The following FKBP5 variants were observed in gnomAD, a reference collection of about 807,000 sequenced individuals.
FKBP5 encodes peptidyl-prolyl cis-trans isomerase FKBP5.
In FKBP5, 23 loss-of-function variants were observed where a neutral mutation model predicts 50.5. That is an observed-to-expected ratio of 0.46 (90% CI 0.33 to 0.65). FKBP5 has a LOEUF of 0.65. Ranked by LOEUF, FKBP5 falls within the 30% of genes least tolerant of loss-of-function variation. The pLI is 0.02. For synonymous variants in FKBP5, 176 were observed against 190.6 expected (o/e 0.92, Z 0.63); for missense variants, 411 against 553.1 (o/e 0.74, Z 2.58).
At chr6:35,624,889 C>T (rs1581828278) in intron 3 of FKBP5, among the ~76,000 whole-genome samples, 1 of 152,112 alleles carries the variant, frequency 6.6e-6, no homozygotes, top group East Asian at 1.9e-4. Context: ...TCTGTGGCTG[C>T]AGGGCACTGA....
intron 8 of FKBP5, chr6:35,584,078 CT>C: frequency 1.0e-6 from 1 of 985,460 alleles, no homozygotes; most frequent in Non-Finnish European, 1.2e-6. Context: ...AAGAAAAACA[CT>C]GACCAGGTGT....
chr6:35,582,002 TG>T, intron 8 of FKBP5: 1 of 985,368 alleles, frequency 1.0e-6, no homozygotes. Flanking sequence ...GGACTTCAAG[TG>T]GGTGATGTAA....
At chr6:35,642,162 A>G (rs1179498767) in intron 2 of FKBP5, among the ~76,000 whole-genome samples, 1 of 152,158 alleles carries the variant, frequency 6.6e-6, no homozygotes, top group Non-Finnish European at 1.5e-5. Flanking sequence ...TACTCTGAGA[A>G]TAGGGAAATA....
upstream of FKBP5, among the ~76,000 whole-genome samples, chr6:35,689,744 G>A (rs186874422): frequency 3.8e-3 from 576 of 152,260 alleles, 5 homozygotes; most frequent in Non-Finnish European, 4.2e-3. Flanking sequence ...GGCTGAGGTA[G>A]GAGAATCGCT....
At chr6:35,624,304 C>G (rs953519905) in intron 3 of FKBP5, among the ~76,000 whole-genome samples, 1 of 152,100 alleles carries the variant, frequency 6.6e-6, no homozygotes, top group Non-Finnish European at 1.5e-5. Flanking sequence ...CAAGGTCACT[C>G]TGAGACTGTG....
At chr6:35,589,110 TTATATATATATATATATA>T (rs1169766848) in intron 7 of FKBP5, among the ~76,000 whole-genome samples, 7 of 103,006 alleles carry the variant, frequency 6.8e-5, no homozygotes, top group African/African-American at 3.0e-4. Context: ...ATATATATTT[TTATATATATATATATATA>T]TTTTTTTTTT....
intron 5 of FKBP5, among the ~76,000 whole-genome samples, chr6:35,607,169 C>G (rs544083183): frequency 6.6e-6 from 1 of 152,252 alleles, no homozygotes; most frequent in African/African-American, 2.4e-5. Flanking sequence ...AACTCCTGAC[C>G]TCAAATGATC....
Position 35,650,482 on chromosome 6 carries a change from T to A in FKBP5, c.-19-7639A>T, listed in dbSNP as rs565788967. ...CAGTGTAATTTATTTTTTATTTTTT[T>A]AAATTTTTTGAGACAGACTCTTGCT... On this transcript the variant is annotated intron_variant, in intron 1 of 10. Coordinates refer to ENST00000357266, the MANE Select transcript of FKBP5 (RefSeq NM_004117.4). Among the ~76,000 whole-genome samples, 24 of 152,116 alleles carry A rather than the reference T, an allele frequency of 1.6e-4. No homozygotes were observed. The South Asian group carries it at 2.7e-3, about 17-fold the overall frequency.
At chr6:35,624,044 A>G (rs912183244) in intron 3 of FKBP5, among the ~76,000 whole-genome samples, 1 of 152,070 alleles carries the variant, frequency 6.6e-6, no homozygotes, top group Non-Finnish European at 1.5e-5. Flanking sequence ...TATGTTGCTC[A>G]GGCTGGACTC....
intron 8 of FKBP5, chr6:35,585,863 C>G (rs1762582845): frequency 1.0e-6 from 1 of 985,240 alleles, no homozygotes; most frequent in South Asian, 4.7e-5. Flanking sequence ...TGCCCTCTGG[C>G]TGTGTTAATT....
intron 5 of FKBP5, among the ~76,000 whole-genome samples, chr6:35,607,143 G>T (rs1335996360): frequency 1.3e-5 from 2 of 152,030 alleles, no homozygotes; most frequent in African/African-American, 4.8e-5. Context: ...TCACCATGTT[G>T]GCCAGGCTGG....
intron 1 of FKBP5, among the ~76,000 whole-genome samples, chr6:35,644,911 A>G (rs986119490): frequency 1.3e-5 from 2 of 152,232 alleles, no homozygotes; most frequent in East Asian, 3.8e-4. Flanking sequence ...ACATCCATCA[A>G]TAGATCTCTG....
intron 2 of FKBP5, among the ~76,000 whole-genome samples, chr6:35,710,875 C>G (rs143576408): frequency 1.1e-3 from 165 of 152,202 alleles, no homozygotes; most frequent in African/African-American, 3.8e-3. Flanking sequence ...TTAAGTTGAG[C>G]AAAAGAAGCC....
At chr6:35,688,759 G>A (rs1220893034) in intron 1 of FKBP5, 45 bp downstream of exon 1, 1 of 150,650 alleles carries the variant, frequency 6.6e-6, no homozygotes, top group East Asian at 1.9e-4. Flanking sequence ...GGCTCCCGGG[G>A]CGCCGCGGCC....
At chr6:35,595,568 T>C (rs1397613383) in intron 6 of FKBP5, among the ~76,000 whole-genome samples, 1 of 151,948 alleles carries the variant, frequency 6.6e-6, no homozygotes, top group Middle Eastern at 3.2e-3. Context: ...CTGGGCAACA[T>C]GGCAAAACCC....
At chr6:35,612,987 TGTCTA>T (rs1323871806) in intron 5 of FKBP5, among the ~76,000 whole-genome samples, 14 of 152,348 alleles carry the variant, frequency 9.2e-5, no homozygotes, top group Admixed American at 7.8e-4. Flanking sequence ...TTAAGTAACT[TGTCTA>T]AAGTCATAAA....
At chr6:35,627,005 T>C (rs1207271164) in intron 3 of FKBP5, among the ~76,000 whole-genome samples, 4 of 152,212 alleles carry the variant, frequency 2.6e-5, no homozygotes, top group Admixed American at 2.0e-4. Context: ...CAAGTAGAAC[T>C]GCTAGATCAA....
At chr6:35,705,660 A>G (rs1766294879) in intron 2 of FKBP5, among the ~76,000 whole-genome samples, 1 of 152,180 alleles carries the variant, frequency 6.6e-6, no homozygotes, top group South Asian at 2.1e-4. Flanking sequence ...GTGAGGAAAC[A>G]TTTAAGTATT....
chr6:35,652,362 G>A (rs960243503), intron 1 of FKBP5, among the ~76,000 whole-genome samples: 3 of 152,174 alleles, frequency 2.0e-5, no homozygotes, highest in Admixed American at 6.5e-5. Context: ...CCGGTGAGCC[G>A]GGCAGAACAG....
Sources: gnomAD v4.1 joint callset for allele counts (sites outside exome capture counted in the v4.1 genomes callset) on GRCh38, gnomAD v4.1.1 for gene constraint, MANE v1.5 for transcripts, NCBI Gene and HGNC (gene_info 2026-07-23, HGNC 2026-07-21) for gene names.